Variants in MED12L observed in about 807,000 individuals in gnomAD.
MED12L encodes the protein mediator complex subunit 12L, also known as mediator of RNA polymerase II transcription subunit 12-like protein.
A neutral mutation model predicts 281.3 loss-of-function variants in MED12L; 60 were observed. The observed-to-expected ratio is 0.21, with a 90% CI of 0.17 to 0.26. The LOEUF is 0.26. MED12L is among the 10% of genes least tolerant of loss of function. The probability of loss-of-function intolerance (pLI) is 1.00; values close to 1 mark genes in which losing one functional copy is unlikely to be tolerated. For missense variants in MED12L, 2,146 were observed against 2,680.9 expected (o/e 0.80, Z 4.41); for synonymous variants, 974 against 987.2 (o/e 0.99, Z 0.25).
chr3:151,192,742 G>C, intron 15 of MED12L, 88 bp downstream of exon 15: 2 of 814,470 alleles, frequency 2.5e-6, no homozygotes, highest in South Asian at 3.0e-5. Context: ...TTCTCAGAAT[G>C]ACTTGCACAT....
intron 16 of MED12L, among the ~76,000 whole-genome samples, chr3:151,337,228 A>T (rs1207403434): frequency 6.6e-6 from 1 of 152,136 alleles, no homozygotes; most frequent in Non-Finnish European, 1.5e-5. Flanking sequence ...CTAAATAAAC[A>T]TAAAAAATTA....
chr3:151,223,056 G>GA (rs1167185906), intron 16 of MED12L, among the ~76,000 whole-genome samples: 10 of 151,742 alleles, frequency 6.6e-5, no homozygotes, highest in African/African-American at 2.4e-4. Flanking sequence ...TCTTTGGAAA[G>GA]AAAGAGGTTA....
chr3:151,191,054 G>T, intron 14 of MED12L, 123 bp downstream of exon 14: 1 of 806,104 alleles, frequency 1.2e-6, no homozygotes, highest in Non-Finnish European at 1.9e-6. Flanking sequence ...TGCCCCAGTG[G>T]TTGTTTATCT....
chr3:151,154,866 C>T (rs1045880733), intron 5 of MED12L, among the ~76,000 whole-genome samples: 4 of 152,192 alleles, frequency 2.6e-5, no homozygotes, highest in South Asian at 2.1e-4. Context: ...TATCTGTTAT[C>T]GGTGCTTTCA....
At chr3:151,299,542 G>C (rs927991333) in intron 16 of MED12L, among the ~76,000 whole-genome samples, 1 of 150,036 alleles carries the variant, frequency 6.7e-6, no homozygotes, top group Non-Finnish European at 1.5e-5. Flanking sequence ...ACAGTGGTGC[G>C]ATCTCAGCTC....
intron 39 of MED12L, among the ~76,000 whole-genome samples, chr3:151,400,606 A>G (rs1387439517): frequency 6.6e-6 from 1 of 152,220 alleles, no homozygotes; most frequent in Non-Finnish European, 1.5e-5. Flanking sequence ...TAAAGAATGA[A>G]GGATGACTGA....
chr3:151,347,914 C>G (rs1028767868), intron 16 of MED12L, among the ~76,000 whole-genome samples: 3 of 152,158 alleles, frequency 2.0e-5, no homozygotes, highest in African/African-American at 7.2e-5. Flanking sequence ...AGTCACAGCT[C>G]TCTTACCCCA....
chr3:151,383,575 TA>T (rs1377123266), intron 33 of MED12L, among the ~76,000 whole-genome samples: 1 of 152,202 alleles, frequency 6.6e-6, no homozygotes, highest in Non-Finnish European at 1.5e-5. Flanking sequence ...TCATTTTAGT[TA>T]ATGTTTGAAT....
intron 16 of MED12L, among the ~76,000 whole-genome samples, chr3:151,193,900 G>A (rs551877298): frequency 1.3e-4 from 20 of 151,040 alleles, no homozygotes; most frequent in Non-Finnish European, 2.7e-4. Context: ...TTCTATGTTA[G>A]TATCCTTTTA....
intron 39 of MED12L, among the ~76,000 whole-genome samples, chr3:151,404,450 T>C (rs1216761425): frequency 6.6e-6 from 1 of 152,198 alleles, no homozygotes; most frequent in Non-Finnish European, 1.5e-5. Flanking sequence ...CAACAAGACC[T>C]CTTATAATTT....
intron 2 of MED12L, among the ~76,000 whole-genome samples, chr3:151,106,223 TC>T (rs1722000343): frequency 8.1e-6 from 1 of 123,748 alleles, no homozygotes; most frequent in African/African-American, 2.6e-5. Flanking sequence ...TTTCTTTCTT[TC>T]CTTCCTTCCT....
rs767964182 is a variant in MED12L at position 151,294,322 on chromosome 3, G to A, written c.2251-55737G>A. 4 of 1,614,066 alleles carry A rather than the reference G, an allele frequency of 2.5e-6. No homozygotes were observed. The Admixed American group carries it at 5.0e-5, about 20-fold the overall frequency. On this transcript the variant is annotated intron_variant, in intron 16 of 44. Coordinates refer to ENST00000687756, the MANE Select transcript of MED12L (RefSeq NM_001393769.1). ...TGAAAAAGTAAATTATTGGATCCAGGCAAACATTACACGCAGACAAGAAAA... is the reference window on the plus strand; with the variant it reads ...TGAAAAAGTAAATTATTGGATCCAGACAAACATTACACGCAGACAAGAAAA...
intron 16 of MED12L, among the ~76,000 whole-genome samples, chr3:151,346,007 A>G (rs951633309): frequency 2.0e-5 from 3 of 152,138 alleles, no homozygotes; most frequent in African/African-American, 7.2e-5. Context: ...TTGAGCAGTG[A>G]TTCTTTTCCA....
intron 43 of MED12L, among the ~76,000 whole-genome samples, chr3:151,422,273 C>T (rs1455297359): frequency 1.3e-5 from 2 of 152,174 alleles, no homozygotes; most frequent in African/African-American, 4.8e-5. Context: ...AACTCCCTAA[C>T]AAAGTACGCA....
intron 16 of MED12L, chr3:151,269,442 A>ACACACACAC (rs1559962872): frequency 8.7e-4 from 155 of 178,046 alleles, no homozygotes; most frequent in African/African-American, 6.1e-3. Flanking sequence ...CACACACACA[A>ACACACACAC]AATTCAGAGA....
intron 13 of MED12L, among the ~76,000 whole-genome samples, chr3:151,188,933 T>C (rs1326862172): frequency 6.6e-6 from 1 of 152,030 alleles, no homozygotes; most frequent in Non-Finnish European, 1.5e-5. Context: ...GGGATGTTTA[T>C]GTCATCTCAA....
At chr3:151,159,448 G>T (rs1469262206) in intron 7 of MED12L, among the ~76,000 whole-genome samples, 1 of 152,134 alleles carries the variant, frequency 6.6e-6, no homozygotes, top group Non-Finnish European at 1.5e-5. Context: ...GCCAGATGTG[G>T]CTACTGAGCT....
At chr3:151,379,017 C>T (rs1577501533) in intron 31 of MED12L, among the ~76,000 whole-genome samples, 2 of 152,168 alleles carry the variant, frequency 1.3e-5, no homozygotes, top group South Asian at 4.1e-4. Context: ...CCAGGACACA[C>T]AGTGAAGGAC....
chr3:151,108,362 T>C (rs1711496316), intron 2 of MED12L, among the ~76,000 whole-genome samples: 1 of 152,138 alleles, frequency 6.6e-6, no homozygotes, highest in Admixed American at 6.5e-5. Context: ...AGTAAAAGAT[T>C]CTTCCCTTAT....
Sources: allele counts gnomAD v4.1 joint callset (sites outside exome capture counted in the v4.1 genomes callset), GRCh38; gene constraint gnomAD v4.1.1; transcripts MANE v1.5; gene names NCBI Gene and HGNC (gene_info 2026-07-23, HGNC 2026-07-21).